Variants in MYT1L observed in about 807,000 individuals in gnomAD.
The protein encoded by MYT1L is myelin transcription factor 1 like, also known as myelin transcription factor 1-like protein.
Under a neutral mutation model 126.7 loss-of-function variants are expected in MYT1L, and 12 were observed. The observed-to-expected ratio is 0.09, with a 90% CI of 0.06 to 0.15. MYT1L has a LOEUF of 0.15. Among genes scored for constraint, MYT1L ranks in the 10% least tolerant of loss-of-function variants. MYT1L has a pLI of 1.00. For missense variants in MYT1L, 979 were observed against 1,585.2 expected, an observed-to-expected ratio of 0.62 and a Z score of 6.49; for synonymous variants, 541 against 604.2, an observed-to-expected ratio of 0.90 and a Z score of 1.53.
intron 3 of MYT1L, among the ~76,000 whole-genome samples, chr2:2,112,153 A>T (rs2079547532): frequency 6.6e-6 from 1 of 152,114 alleles, no homozygotes; most frequent in African/African-American, 2.4e-5. Context: ...TAAGATTCTT[A>T]GTGTTTCATG....
intron 3 of MYT1L, among the ~76,000 whole-genome samples, chr2:2,169,320 G>A (rs1289042697): frequency 7.2e-5 from 11 of 152,050 alleles, no homozygotes; most frequent in Admixed American, 7.2e-4. Flanking sequence ...ACCTCTTTTG[G>A]CTTTTTCTGT....
intron 3 of MYT1L, among the ~76,000 whole-genome samples, chr2:2,071,872 C>G (rs1353456945): frequency 2.6e-5 from 4 of 152,094 alleles, no homozygotes; most frequent in Non-Finnish European, 5.9e-5. Flanking sequence ...GGCGTGAGAA[C>G]AGAGGTGTAC....
At chr2:2,257,272 G>T (rs1040258153) in intron 2 of MYT1L, among the ~76,000 whole-genome samples, 1 of 152,184 alleles carries the variant, frequency 6.6e-6, no homozygotes, top group African/African-American at 2.4e-5. Flanking sequence ...CCTGCAATTT[G>T]CTATTATGAC....
At chr2:2,320,073 T>G (rs534030116) in intron 1 of MYT1L, among the ~76,000 whole-genome samples, 1 of 152,180 alleles carries the variant, frequency 6.6e-6, no homozygotes, top group East Asian at 1.9e-4. Flanking sequence ...AACTTTAAAA[T>G]GCAGAATCTA....
At chr2:1,883,420 C>A (rs763074859) in intron 18 of MYT1L, among the ~76,000 whole-genome samples, 9 of 152,112 alleles carry the variant, frequency 5.9e-5, no homozygotes, top group African/African-American at 1.7e-4. Context: ...AAAAGGCTGA[C>A]CAGCTCTGAT....
chr2:1,856,660 C>T (rs1281534355), intron 18 of MYT1L, among the ~76,000 whole-genome samples: 2 of 152,186 alleles, frequency 1.3e-5, no homozygotes, highest in African/African-American at 4.8e-5. Flanking sequence ...AAAGTGCTCC[C>T]TCTAGGGTCT....
At chr2:2,085,235 C>G (rs1246072648) in intron 3 of MYT1L, among the ~76,000 whole-genome samples, 11 of 152,180 alleles carry the variant, frequency 7.2e-5, no homozygotes, top group Non-Finnish European at 4.4e-5. Flanking sequence ...CACATGTGCT[C>G]AGGCAAGCCC....
At chr2:1,954,433 T>C (rs1237759233) in intron 8 of MYT1L, among the ~76,000 whole-genome samples, 1 of 152,196 alleles carries the variant, frequency 6.6e-6, no homozygotes, top group African/African-American at 2.4e-5. Flanking sequence ...ATTTTCAGTG[T>C]TGTCTTTGTG....
At chr2:2,045,722 T>C (rs2068101913) in intron 4 of MYT1L, among the ~76,000 whole-genome samples, 1 of 152,244 alleles carries the variant, frequency 6.6e-6, no homozygotes, top group Non-Finnish European at 1.5e-5. Flanking sequence ...ACAGGACCTA[T>C]ATTTTTCTGC....
chr2:2,184,384 G>T (rs1418111513), intron 2 of MYT1L, among the ~76,000 whole-genome samples: 1 of 152,180 alleles, frequency 6.6e-6, no homozygotes, highest in Non-Finnish European at 1.5e-5. Context: ...CGCCCATAAA[G>T]GTTGGGACAG....
chr2:2,059,196 G>C lies in MYT1L; in HGVS notation c.-303-5073C>G, dbSNP rs1339345312. Among the ~76,000 whole-genome samples, 2 of 152,198 alleles carry C rather than the reference G, an allele frequency of 1.3e-5. No homozygotes were observed. Among genetic ancestry groups the C allele is most frequent in the African/African-American group, 4.8e-5 (2 of 41,448 alleles). ...TTCTCTGAACAAAGGGTGCCTGGCT[G>C]AGTGGGCCTGCAGTGGCCATAGCAT... On this transcript the variant is annotated intron_variant, in intron 3 of 24. Transcript: ENST00000647738. The surrounding 1 kb of genome is among the most constrained non-coding windows in gnomAD (Gnocchi z 4.7).
At chr2:2,231,526 C>A (rs566649400) in intron 2 of MYT1L, among the ~76,000 whole-genome samples, 236 of 152,266 alleles carry the variant, frequency 1.5e-3, no homozygotes, top group Non-Finnish European at 2.5e-3. Context: ...TAACTTCCTG[C>A]AACTTCCACC....
intron 3 of MYT1L, among the ~76,000 whole-genome samples, chr2:2,061,561 C>T (rs1045675925): frequency 6.6e-6 from 1 of 152,060 alleles, no homozygotes; most frequent in African/African-American, 2.4e-5. Context: ...GTGTTTATTA[C>T]CAGAGGGATG....
chr2:2,157,627 G>A (rs543654567), intron 3 of MYT1L, among the ~76,000 whole-genome samples: 139 of 152,298 alleles, frequency 9.1e-4, no homozygotes, highest in Non-Finnish European at 1.8e-3. Context: ...TATGAGGAAA[G>A]GCAGGAGATG....
At chr2:2,069,294 C>T (rs1262806317) in intron 3 of MYT1L, among the ~76,000 whole-genome samples, 1 of 152,082 alleles carries the variant, frequency 6.6e-6, no homozygotes, top group African/African-American at 2.4e-5. Context: ...CATTGTTCAA[C>T]TCCCATTTAT....
rs2149492406 is a variant in MYT1L at position 1,979,833 on chromosome 2, T to C, written c.1-56A>G. 1.3e-6 allele frequency: 2 copies of C among 1,587,528 alleles called. No individual in the cohort carries two copies. Among genetic ancestry groups the C allele is most frequent in the East Asian group, 4.5e-5 (2 of 44,732 alleles). ...TTATCCTGCCTGTGCAGGCCAGCCC[T>C]GCAGGGGCGGCTCACTCTCCCTGGC... is the stretch of plus-strand genomic sequence containing the variant. On this transcript the variant is annotated intron_variant, in intron 5 of 24. Coordinates refer to ENST00000647738, the MANE Select transcript of MYT1L (RefSeq NM_001303052.2). The surrounding 1 kb of genome is among the most constrained non-coding windows in gnomAD (Gnocchi z 4.0).
At chr2:1,989,544 C>T (rs936219084) in intron 5 of MYT1L, among the ~76,000 whole-genome samples, 6 of 152,118 alleles carry the variant, frequency 3.9e-5, no homozygotes, top group African/African-American at 1.4e-4. Context: ...TTAAGGATCG[C>T]ATGAAGGTTG....
intron 2 of MYT1L, among the ~76,000 whole-genome samples, chr2:2,185,979 T>G (rs7577346): frequency 0.75 from 72,274 of 95,996 alleles, 28,403 homozygotes; most frequent in African/African-American, 0.93. Flanking sequence ...CGTTCCTTCC[T>G]TGAGGGGGAC....
rs182579586 is a variant in MYT1L, at chr2:2,224,093, T to C, written c.-420-51105A>G. 6.6e-6 allele frequency among the ~76,000 whole-genome samples: 1 copy of C among 152,162 alleles called. No homozygotes were observed. Among genetic ancestry groups the C allele is most frequent in the East Asian group, 1.9e-4 (1 of 5,194 alleles). ...AGCATCTGAAAGACAAAATAATGAA[T>C]TGGTGGGGAGTTATCTAAGGAGGAC... is the stretch of plus-strand genomic sequence containing the variant. On this transcript the variant is annotated intron_variant, in intron 2 of 24. Transcript: ENST00000647738. The surrounding 1 kb of genome is among the most constrained non-coding windows in gnomAD (Gnocchi z 4.0).
Sources: allele counts gnomAD v4.1 joint callset (sites outside exome capture counted in the v4.1 genomes callset), GRCh38; gene constraint gnomAD v4.1.1; non-coding constraint Gnocchi (gnomAD v3.1); transcripts MANE v1.5; gene names NCBI Gene and HGNC (gene_info 2026-07-23, HGNC 2026-07-21).